SUGCT: variants seen among roughly 807,000 people sequenced by gnomAD.
The protein encoded by SUGCT is succinyl-CoA:glutarate CoA-transferase.
A neutral mutation model predicts 55.0 loss-of-function variants in SUGCT; 41 were observed. The ratio of observed to expected loss-of-function variants is 0.74; its 90% CI spans 0.58 to 0.97. The LOEUF (loss-of-function observed/expected upper bound fraction) is 0.97. SUGCT is among the 50% of genes least tolerant of loss of function. The probability of loss-of-function intolerance (pLI) is 0.00; values close to 1 mark genes in which losing one functional copy is unlikely to be tolerated. For synonymous variants in SUGCT, 187 were observed against 200.4 expected (o/e 0.93, Z 0.56); for missense variants, 568 against 547.8 (o/e 1.04, Z -0.37).
intron 7 of SUGCT, 71 bp downstream of exon 7, chr7:40,237,797 A>G: frequency 8.0e-7 from 1 of 1,247,006 alleles, no homozygotes; most frequent in Non-Finnish European, 1.2e-6. Context: ...ACTCTGCACT[A>G]ACCCATAGGA....
chr7:40,737,420 A>AT (rs1352136474), intron 12 of SUGCT, among the ~76,000 whole-genome samples: 2 of 152,038 alleles, frequency 1.3e-5, no homozygotes, highest in African/African-American at 4.8e-5. Context: ...TCAAATAAAG[A>AT]TTTTTTTTCT....
chr7:40,834,186 C>G (rs1247475673), intron 13 of SUGCT, among the ~76,000 whole-genome samples: 4 of 145,088 alleles, frequency 2.8e-5, no homozygotes, highest in Non-Finnish European at 5.9e-5. Flanking sequence ...AATGGAGAAG[C>G]ATGGACTGGA....
intron 13 of SUGCT, among the ~76,000 whole-genome samples, chr7:40,796,123 C>T (rs1790540044): frequency 6.6e-6 from 1 of 151,564 alleles, no homozygotes; most frequent in Non-Finnish European, 1.5e-5. Flanking sequence ...TGTCTGTGTA[C>T]AACAAATACC....
intron 13 of SUGCT, among the ~76,000 whole-genome samples, chr7:40,835,903 T>C (rs572597653): frequency 6.7e-6 from 1 of 149,394 alleles, no homozygotes; most frequent in Non-Finnish European, 1.5e-5. Flanking sequence ...TTTTTTTTTT[T>C]TTTTGGTGAG....
rs1400014928 is a variant in SUGCT at position 40,706,881 on chromosome 7, C to T, written c.1090-42553C>T. Among the ~76,000 whole-genome samples the T allele has an allele frequency of 1.4e-4, 21 of 152,254 alleles. No homozygotes were observed. In the East Asian group the frequency reaches 3.5e-3, roughly 25 times the overall value. On this transcript the variant is annotated intron_variant, in intron 12 of 13. Transcript: ENST00000335693. Reference sequence around the variant, plus strand: ...TGGCTGCCTCCTTTTTTCTTTTCTTCTGAGCATAGTTCCCAGACTCTCACT... The same window carrying T: ...TGGCTGCCTCCTTTTTTCTTTTCTTTTGAGCATAGTTCCCAGACTCTCACT...
At chr7:40,183,948 C>T (rs370078672) in intron 3 of SUGCT, among the ~76,000 whole-genome samples, 54 of 152,088 alleles carry the variant, frequency 3.6e-4, no homozygotes, top group African/African-American at 1.0e-3. Context: ...ACGAGGTGGG[C>T]GGATCGTTTG....
At chr7:40,728,559 T>C (rs1022965594) in intron 12 of SUGCT, among the ~76,000 whole-genome samples, 4 of 152,142 alleles carry the variant, frequency 2.6e-5, no homozygotes, top group African/African-American at 7.2e-5. Flanking sequence ...TTATATGTTA[T>C]AGGTAGATGG....
chr7:40,913,630 T>A, the SUGCT span, among the ~76,000 whole-genome samples: 3 of 152,244 alleles, frequency 2.0e-5, no homozygotes, highest in Non-Finnish European at 2.9e-5. Context: ...CAAGCATTTG[T>A]TCTCCCCATT....
chr7:40,153,168 C>A, intron 1 of SUGCT: 1 of 286,892 alleles, frequency 3.5e-6, no homozygotes, highest in South Asian at 3.6e-5. Flanking sequence ...TAGATTCACA[C>A]ATCTTAGATT....
intron 12 of SUGCT, among the ~76,000 whole-genome samples, chr7:40,709,042 G>T (rs1406307461): frequency 6.6e-6 from 1 of 152,076 alleles, no homozygotes; most frequent in Non-Finnish European, 1.5e-5. Context: ...GCCTCTCTTG[G>T]AACTTCCTAT....
the SUGCT span, among the ~76,000 whole-genome samples, chr7:41,034,262 T>C: frequency 6.6e-6 from 1 of 152,284 alleles, no homozygotes; most frequent in Non-Finnish European, 1.5e-5. Flanking sequence ...CATGAGTGTG[T>C]GCAAGGGAGA....
chr7:40,333,943 C>T (rs1157021425), intron 9 of SUGCT, among the ~76,000 whole-genome samples: 1 of 151,798 alleles, frequency 6.6e-6, no homozygotes, highest in African/African-American at 2.4e-5. Flanking sequence ...TGATAGTCCC[C>T]TTCCTGTGTC....
chr7:40,983,503 TG>T, the SUGCT span, among the ~76,000 whole-genome samples: 4 of 152,314 alleles, frequency 2.6e-5, no homozygotes, highest in Non-Finnish European at 5.9e-5. Flanking sequence ...CGGCACTGGA[TG>T]ATTGTTCCTT....
chr7:40,219,553 A>G (rs1454281834), intron 6 of SUGCT, among the ~76,000 whole-genome samples: 3 of 152,150 alleles, frequency 2.0e-5, no homozygotes, highest in Admixed American at 6.5e-5. Context: ...AGTCATCTCA[A>G]TTGTAAAAGT....
intron 9 of SUGCT, among the ~76,000 whole-genome samples, chr7:40,340,472 T>A (rs894687548): frequency 2.6e-5 from 4 of 152,214 alleles, no homozygotes; most frequent in South Asian, 2.1e-4. Flanking sequence ...GTAATATTTT[T>A]AAAAGTCTGT....
intron 9 of SUGCT, among the ~76,000 whole-genome samples, chr7:40,418,348 A>G (rs1787124609): frequency 6.6e-6 from 1 of 152,104 alleles, no homozygotes; most frequent in South Asian, 2.1e-4. Flanking sequence ...TGGTTGGGTG[A>G]TAAAATCTGC....
At chr7:40,170,868 C>T (rs1784637899) in intron 1 of SUGCT, among the ~76,000 whole-genome samples, 1 of 152,170 alleles carries the variant, frequency 6.6e-6, no homozygotes. Flanking sequence ...TCTTTTCCTG[C>T]CTCTCTTGAC....
In SUGCT at chr7:40,138,308, G is replaced by A. The variant is rs1787801322; in HGVS notation, c.100+3188G>A. 2.0e-5 allele frequency among the ~76,000 whole-genome samples: 3 copies of A among 152,152 alleles called. No homozygotes were observed. The South Asian group carries it at 6.2e-4, about 32-fold the overall frequency. ...AATGGCCCCCAGTTCTATCCATGTT[G>A]CTGCAAAAGACATAATTTCATTCTT... On this transcript the variant is annotated intron_variant, in intron 1 of 13. Coordinates refer to ENST00000335693, the MANE Select transcript of SUGCT (RefSeq NM_001193313.2).
chr7:40,175,382 G>C (rs1483842712), intron 1 of SUGCT, among the ~76,000 whole-genome samples: 1 of 152,084 alleles, frequency 6.6e-6, no homozygotes, highest in Non-Finnish European at 1.5e-5. Flanking sequence ...AACATGCCCA[G>C]CTGCTTTTTG....
Sources: gnomAD v4.1 joint callset for allele counts (sites outside exome capture counted in the v4.1 genomes callset) on GRCh38, gnomAD v4.1.1 for gene constraint, MANE v1.5 for transcripts, NCBI Gene and HGNC (gene_info 2026-07-23, HGNC 2026-07-21) for gene names.